Variants in CALN1 observed in about 807,000 individuals in gnomAD.
CALN1 encodes calcium-binding protein 8.
A neutral mutation model predicts 30.6 loss-of-function variants in CALN1; 17 were observed. The observed-to-expected ratio is 0.56, with a 90% CI of 0.38 to 0.83. The LOEUF (loss-of-function observed/expected upper bound fraction) is 0.83, where lower values mean the gene tolerates loss of function less well. Ranked by LOEUF, CALN1 falls within the 40% of genes least tolerant of loss-of-function variation. CALN1 has a pLI of 0.00. For missense variants in CALN1, 291 were observed against 354.9 expected (o/e 0.82, Z 1.45); for synonymous variants, 156 against 131.4 (o/e 1.19, Z -1.28).
At position 72,181,486 on chromosome 7, in the gene CALN1, C is replaced by CTTT. The variant is rs770286700; in HGVS notation, c.245-75195_245-75193dup. On this transcript the variant is annotated intron_variant, in intron 3 of 6. Transcript: ENST00000395275. ...TAGCTCATAGTAAGGATTTCCATAA[C>CTTT]TTTTTTTTTTTTTTGAGAGTCTTGC... Among the ~76,000 whole-genome samples, 171 of 94,316 alleles carry CTTT rather than the reference C, an allele frequency of 1.8e-3. 2 individuals are homozygous for CTTT. Among genetic ancestry groups the CTTT allele is most frequent in the African/African-American group, 5.8e-3 (165 of 28,552 alleles). 61.9% of individuals were successfully genotyped at this position (94,316 alleles called of 152,430 possible).
chr7:72,140,006 G>A (rs1809777591), intron 3 of CALN1, among the ~76,000 whole-genome samples: 1 of 152,082 alleles, frequency 6.6e-6, no homozygotes, highest in Non-Finnish European at 1.5e-5. Context: ...ATGCTCAGAA[G>A]TGTCCTGTAA....
chr7:71,889,792 TA>T (rs1477244350), intron 5 of CALN1, among the ~76,000 whole-genome samples: 1 of 152,142 alleles, frequency 6.6e-6, no homozygotes, highest in East Asian at 1.9e-4. Flanking sequence ...CTGTCTCTAC[TA>T]AAAATACAAA....
chr7:72,058,483 A>G (rs1280989172), intron 4 of CALN1, among the ~76,000 whole-genome samples: 1 of 151,542 alleles, frequency 6.6e-6, no homozygotes, highest in Non-Finnish European at 1.5e-5. Flanking sequence ...ACACTCAGCT[A>G]TTTTTTTGTA....
intron 3 of CALN1, among the ~76,000 whole-genome samples, chr7:72,252,648 GGGAC>G (rs1795640633): frequency 6.6e-6 from 1 of 151,264 alleles, no homozygotes; most frequent in Non-Finnish European, 1.5e-5. Flanking sequence ...AAGGGAGGGA[GGGAC>G]GGAGATCCAG....
chr7:71,920,859 T>C (rs1021635908), intron 5 of CALN1, among the ~76,000 whole-genome samples: 4 of 152,150 alleles, frequency 2.6e-5, no homozygotes, highest in African/African-American at 9.7e-5. Context: ...AGCAATCCCA[T>C]TACCCAAAAG....
rs551332738 is a variant in CALN1, at chr7:72,102,261, A to T, written c.388+3890T>A. Among the ~76,000 whole-genome samples, 3 of 152,156 alleles carry T rather than the reference A, an allele frequency of 2.0e-5. No homozygotes were observed. The South Asian group carries it at 6.2e-4, about 32-fold the overall frequency. On this transcript the variant is annotated intron_variant, in intron 4 of 6. Transcript: ENST00000395275. Reference sequence around the variant, plus strand: ...GGAGTTCGAGACCAGCCTGGCCAACATGGTGAAACCCCATCTCTACTAAAA... The same window carrying T: ...GGAGTTCGAGACCAGCCTGGCCAACTTGGTGAAACCCCATCTCTACTAAAA...
chr7:72,439,637 G>GGCTGGAGC, intron 1 of CALN1, among the ~76,000 whole-genome samples: 1 of 151,294 alleles, frequency 6.6e-6, no homozygotes, highest in South Asian at 2.1e-4. Flanking sequence ...GAGTGCAATG[G>GGCTGGAGC]CGCAATCTCG....
At chr7:71,962,854 A>G (rs1797317242) in intron 5 of CALN1, among the ~76,000 whole-genome samples, 1 of 152,224 alleles carries the variant, frequency 6.6e-6, no homozygotes, top group Non-Finnish European at 1.5e-5. Context: ...CCCTGGTGAG[A>G]TGAACAAAGT....
rs145508122 is a variant in CALN1, at chr7:72,170,927, C to T, written c.245-64633G>A. Among the ~76,000 whole-genome samples the T allele has an allele frequency of 5.9e-5, 9 of 152,210 alleles. No homozygotes were observed. The East Asian group carries it at 1.5e-3, about 26-fold the overall frequency. On this transcript the variant is annotated intron_variant, in intron 3 of 6. Coordinates refer to ENST00000395275, the MANE Select transcript of CALN1 (RefSeq NM_031468.4). ...ATTCCAACAATTTGGGAGGCCAAGG[C>T]GGGTGGATCACATTGAGTCCAGGAG...
Position 72,362,573 on chromosome 7 carries a change from A to G in CALN1, c.119+40678T>C, listed in dbSNP as rs1803634424. The stretch of plus-strand genomic sequence containing the variant: ...GATGCAAATTCTTTCACAGATAATG[A>G]TTCTCCATGGTGGCCTGGTTCCAGA... On this transcript the variant is annotated intron_variant, in intron 2 of 6. Transcript: ENST00000395275. Among the ~76,000 whole-genome samples the G allele has an allele frequency of 4.6e-5, 7 of 152,138 alleles. No homozygotes were observed. The South Asian group carries it at 1.5e-3, about 32-fold the overall frequency.
chr7:72,430,138 A>G (rs1188704259), intron 1 of CALN1, among the ~76,000 whole-genome samples: 1 of 150,196 alleles, frequency 6.7e-6, no homozygotes, highest in African/African-American at 2.4e-5. Flanking sequence ...ATATTTTAAC[A>G]AATATATGTA....
the CALN1 span, among the ~76,000 whole-genome samples, chr7:72,486,611 A>G: frequency 0.47 from 71,802 of 151,968 alleles, 18,156 homozygotes; most frequent in East Asian, 0.7. Context: ...GACCTCAAGT[A>G]ATCCGCCTGC....
chr7:72,056,258 G>C (rs1019361401), intron 4 of CALN1, among the ~76,000 whole-genome samples: 1 of 151,830 alleles, frequency 6.6e-6, no homozygotes, highest in Non-Finnish European at 1.5e-5. Context: ...AGAATGAGCA[G>C]GAAAGAAAAC....
At position 71,914,870 on chromosome 7, in the gene CALN1, C is replaced by A. The variant is rs984213423; in HGVS notation, c.502-104378G>T. On this transcript the variant is annotated intron_variant, in intron 5 of 6. Coordinates refer to ENST00000395275, the MANE Select transcript of CALN1 (RefSeq NM_031468.4). ...TCTCTTGAAAAGTGTCTGTTCATGT[C>A]GTTTGCCCACTTTTTTATTATGCAT... is the stretch of plus-strand genomic sequence containing the variant. Among the ~76,000 whole-genome samples, 7 of 152,082 alleles carry A rather than the reference C, an allele frequency of 4.6e-5. No homozygotes were observed. The East Asian group carries it at 1.3e-3, about 29-fold the overall frequency.
At chr7:72,494,806 G>A in the CALN1 span, among the ~76,000 whole-genome samples, 1 of 152,156 alleles carries the variant, frequency 6.6e-6, no homozygotes, top group Admixed American at 6.5e-5. Context: ...GTTCGAGGCT[G>A]CAGTGAGCTA....
At position 71,781,651 on chromosome 7, in the gene CALN1, G is replaced by T. The variant is rs1792720628; in HGVS notation, c.*6124C>A. 1 of 152,192 alleles carries T rather than the reference G, an allele frequency of 6.6e-6. No individual in the cohort carries two copies. The highest frequency in any genetic ancestry group is 2.1e-4 in the South Asian group (1 of 4,830). 9.4% of individuals were successfully genotyped at this position (152,192 alleles called of 1,614,324 possible). ...TGGAATATTCCTTCCTAATTAGCCT[G>T]CTCTTCTATCCCACTGGAAAATTCC... is the stretch of plus-strand genomic sequence containing the variant. On this transcript the variant is annotated 3_prime_UTR_variant, in exon 7 of 7. Coordinates refer to ENST00000395275, the MANE Select transcript of CALN1 (RefSeq NM_031468.4).
chr7:72,242,316 T>C (rs1180251999), intron 3 of CALN1, among the ~76,000 whole-genome samples: 2 of 152,182 alleles, frequency 1.3e-5, no homozygotes, highest in African/African-American at 2.4e-5. Flanking sequence ...TGTGCACATA[T>C]CTGTTTGAGT....
At chr7:72,382,184 G>A (rs896063206) in intron 2 of CALN1, among the ~76,000 whole-genome samples, 10 of 152,180 alleles carry the variant, frequency 6.6e-5, no homozygotes, top group South Asian at 2.1e-4. Context: ...AGCACTGTCC[G>A]TGGGCATTTC....
At chr7:72,030,714 G>A (rs1309143322) in intron 4 of CALN1, among the ~76,000 whole-genome samples, 6 of 152,046 alleles carry the variant, frequency 3.9e-5, no homozygotes, top group Non-Finnish European at 7.4e-5. Context: ...CACGCACAAC[G>A]TGGTGGACAT....
Sources: allele counts gnomAD v4.1 joint callset (sites outside exome capture counted in the v4.1 genomes callset), GRCh38; gene constraint gnomAD v4.1.1; transcripts MANE v1.5; gene names NCBI Gene and HGNC (gene_info 2026-07-23, HGNC 2026-07-21).